Variants in DTL observed in about 807,000 individuals in gnomAD.
The protein encoded by DTL is denticleless protein homolog.
A neutral mutation model predicts 87.0 loss-of-function variants in DTL; 46 were observed. The observed-to-expected ratio is 0.53, with a 90% confidence interval of 0.42 to 0.68. The LOEUF is 0.68. Among genes scored for constraint, DTL ranks in the 30% least tolerant of loss-of-function variants. DTL has a pLI of 0.00. For synonymous variants in DTL, 308 were observed against 311.2 expected (o/e 0.99, Z 0.11); for missense variants, 737 against 869.4 (o/e 0.85, Z 1.91).
Position 212,100,623 on chromosome 1 carries a change from T to C in DTL, c.1633T>C (p.Ser545Pro). The C allele has an allele frequency of 6.2e-7, 1 of 1,614,036 alleles. No homozygotes were observed. The highest frequency in any genetic ancestry group is 1.1e-5 in the South Asian group (1 of 91,072). ...SQKSSQAEAC[S>P]ESRNRVKRRL... ...GAAGTCATCCCAAGCAGAGGCTTGCTCTGAGTCTAGAAATAGAGTAAAGAG... is the reference window on the plus strand; with the variant it reads ...GAAGTCATCCCAAGCAGAGGCTTGCCCTGAGTCTAGAAATAGAGTAAAGAG... The change falls in exon 14 of 15, where the codon TCT (serine) becomes CCT (proline). Residue 545 changes from serine (S) to proline (P), a missense_variant. Physicochemically the swap from Ser to Pro is moderately conservative, Grantham distance 74. Coordinates refer to ENST00000366991, the MANE Select transcript of DTL (RefSeq NM_016448.4).
intron 2 of DTL, among the ~76,000 whole-genome samples, chr1:212,043,939 AT>A (rs1319903514): frequency 1.3e-5 from 2 of 151,820 alleles, no homozygotes; most frequent in African/African-American, 4.9e-5. Context: ...CCTTATAAAA[AT>A]TAGCCGGGCA....
intron 8 of DTL, 118 bp from the exon 9 acceptor site, chr1:212,068,106 C>G: frequency 1.6e-6 from 1 of 620,340 alleles, no homozygotes; most frequent in Middle Eastern, 3.4e-4. Context: ...AATATCCTTA[C>G]TGTACCTAGT....
intron 13 of DTL, among the ~76,000 whole-genome samples, chr1:212,096,846 A>G (rs1359775047): frequency 1.3e-5 from 2 of 152,208 alleles, no homozygotes; most frequent in East Asian, 3.8e-4. Flanking sequence ...TAGAATGTAT[A>G]TTCTGCAGTT....
At chr1:212,066,741 G>C in intron 7 of DTL, 71 bp from the exon 8 acceptor site, 1 of 1,452,404 alleles carries the variant, frequency 6.9e-7, no homozygotes, top group Non-Finnish European at 9.6e-7. Flanking sequence ...TCGTTTTTTA[G>C]CACCTTGTTC....
chr1:212,048,902 TTTTGTTTGTTTGTTTG>T (rs142929243), intron 5 of DTL, among the ~76,000 whole-genome samples: 35 of 150,422 alleles, frequency 2.3e-4, no homozygotes, highest in East Asian at 9.8e-4. Flanking sequence ...TGGACTGGTT[TTTTGTTTGTTTGTTTG>T]TTTGTTTGTT....
chr1:212,065,411 T>G (rs1654462824), intron 7 of DTL, among the ~76,000 whole-genome samples: 1 of 152,154 alleles, frequency 6.6e-6, no homozygotes, highest in African/African-American at 2.4e-5. Context: ...TTTACATATT[T>G]TGGGGGGTAC....
intron 5 of DTL, 137 bp downstream of exon 5, chr1:212,047,554 A>G: frequency 8.0e-7 from 1 of 1,246,222 alleles, no homozygotes; most frequent in Non-Finnish European, 1.1e-6. Context: ...CTTTTTTTGG[A>G]GACAGTTTCG....
intron 5 of DTL, among the ~76,000 whole-genome samples, chr1:212,061,018 T>G (rs1475207549): frequency 2.0e-5 from 3 of 152,080 alleles, no homozygotes; most frequent in Non-Finnish European, 4.4e-5. Context: ...TACAAGGAAC[T>G]CGAACAACTC....
chr1:212,054,576 C>T (rs111565052), intron 5 of DTL, among the ~76,000 whole-genome samples: 3,986 of 151,882 alleles, frequency 0.026, 58 homozygotes, highest in African/African-American at 0.047. Context: ...GGCTGATCAC[C>T]TGAGGTCAGG....
chr1:212,052,656 A>AAAAAG (rs1553256762), intron 5 of DTL, among the ~76,000 whole-genome samples: 3,541 of 150,858 alleles, frequency 0.023, 60 homozygotes, highest in African/African-American at 0.042. Flanking sequence ...AAAAAAAAAA[A>AAAAAG]AAAGAAATAT....
rs1428908168 is a variant in DTL at position 212,036,089 on chromosome 1, A to G, written c.52+147A>G. On this transcript the variant is annotated intron_variant, in intron 1 of 14. Coordinates refer to ENST00000366991, the MANE Select transcript of DTL (RefSeq NM_016448.4). ...GGGTAAATTAGTGTTAGCAGGGACT[A>G]CTAAAGAAAGCTGTACTTTCATCCC... 4.2e-6 allele frequency: 3 copies of G among 715,666 alleles called. No individual in the cohort carries two copies. The African/African-American group carries it at 5.3e-5, about 13-fold the overall frequency. The allele number at this position is 715,666 out of a possible 1,614,324, so 44.3% of individuals were successfully genotyped here.
intron 13 of DTL, among the ~76,000 whole-genome samples, chr1:212,088,580 A>G (rs2102575804): frequency 6.6e-6 from 1 of 152,326 alleles, no homozygotes; most frequent in South Asian, 2.1e-4. Flanking sequence ...TTCACAGTGG[A>G]GTTAACATTG....
At chr1:212,081,381 G>A (rs982834082) in intron 13 of DTL, among the ~76,000 whole-genome samples, 1 of 152,232 alleles carries the variant, frequency 6.6e-6, no homozygotes, top group Non-Finnish European at 1.5e-5. Flanking sequence ...GGCCCCTAGG[G>A]CTGCAGCAGG....
At chr1:212,086,741 G>T (rs1343816891) in intron 13 of DTL, among the ~76,000 whole-genome samples, 8 of 152,120 alleles carry the variant, frequency 5.3e-5, no homozygotes, top group Non-Finnish European at 1.2e-4. Context: ...TACTACACTT[G>T]AGTAAATGTT....
chr1:212,036,288 C>T (rs936544586), intron 1 of DTL, among the ~76,000 whole-genome samples: 5 of 152,174 alleles, frequency 3.3e-5, no homozygotes, highest in South Asian at 2.1e-4. Context: ...ATGCTCAAAA[C>T]TCCTAATCAT....
intron 3 of DTL, among the ~76,000 whole-genome samples, chr1:212,046,820 T>G (rs1262786825): frequency 6.6e-6 from 1 of 152,214 alleles, no homozygotes; most frequent in Non-Finnish European, 1.5e-5. Context: ...ATGGGATTGC[T>G]GGGTCAAATG....
In DTL at chr1:212,103,066, A is replaced by G. The variant is rs1195103015; in HGVS notation, c.*126A>G. 5.5e-6 allele frequency: 3 copies of G among 541,080 alleles called. No individual in the cohort carries two copies. Among genetic ancestry groups the G allele is most frequent in the African/African-American group, 2.0e-5 (1 of 51,066 alleles). The allele number at this position is 541,080 out of a possible 1,614,324, so 33.5% of individuals were successfully genotyped here. A position where few individuals can be genotyped will look rare whatever the true frequency, so the allele number is the denominator to read the frequency against. ...TGGTCTTTAAGAAAGCTGCCTTTTC[A>G]TTTTTAGACAAAATCTTTTCAACGC... On this transcript the variant is annotated 3_prime_UTR_variant, in exon 15 of 15. Coordinates refer to ENST00000366991, the MANE Select transcript of DTL (RefSeq NM_016448.4).
intron 11 of DTL, among the ~76,000 whole-genome samples, chr1:212,074,272 G>GTATAATTA (rs1323957931): frequency 6.6e-6 from 1 of 151,596 alleles, no homozygotes; most frequent in African/African-American, 2.4e-5. Flanking sequence ...TATATTATGT[G>GTATAATTA]TATCTTGTGT....
At chr1:212,071,733 G>A (rs1654676749) in intron 10 of DTL, among the ~76,000 whole-genome samples, 1 of 152,146 alleles carries the variant, frequency 6.6e-6, no homozygotes, top group Non-Finnish European at 1.5e-5. Context: ...AATATATTAT[G>A]CAGTGGAAAA....
Sources: gnomAD v4.1 joint callset for allele counts (sites outside exome capture counted in the v4.1 genomes callset) on GRCh38, gnomAD v4.1.1 for gene constraint, MANE v1.5 for transcripts, NCBI Gene and HGNC (gene_info 2026-07-23, HGNC 2026-07-21) for gene names.